Variants in ERCC6L2 observed in about 807,000 individuals in gnomAD.
ERCC6L2 encodes the protein ERCC excision repair 6 like 2, also known as DNA excision repair protein ERCC-6-like 2.
A neutral mutation model predicts 132.0 loss-of-function variants in ERCC6L2; 77 were observed. That is an observed-to-expected ratio of 0.58 (90% CI 0.49 to 0.71). ERCC6L2 has a LOEUF of 0.71. Ranked by LOEUF, ERCC6L2 falls within the 30% of genes least tolerant of loss-of-function variation. The probability of loss-of-function intolerance (pLI) is 0.00; values close to 1 mark genes in which losing one functional copy is unlikely to be tolerated. For synonymous variants in ERCC6L2, 583 were observed against 632.4 expected (o/e 0.92, Z 1.17); for missense variants, 1,542 against 1,837.6 (o/e 0.84, Z 2.94).
intron 6 of ERCC6L2, chr9:95,918,603 G>A: frequency 2.9e-6 from 1 of 342,762 alleles, no homozygotes; most frequent in Non-Finnish European, 5.9e-6. Context: ...TACAAGTCGG[G>A]GGGCCTAGGA....
intron 3 of ERCC6L2, chr9:95,906,488 G>A (rs1023167932): frequency 2.9e-6 from 1 of 348,924 alleles, no homozygotes; most frequent in African/African-American, 2.2e-5. Flanking sequence ...GCAACAGGTG[G>A]GAGGGCAAAA....
chr9:96,023,249 T>G (rs1413241910), downstream of ERCC6L2, among the ~76,000 whole-genome samples: 1 of 152,202 alleles, frequency 6.6e-6, no homozygotes, highest in Non-Finnish European at 1.5e-5. Context: ...GGATTTATGA[T>G]TAGCATAGGC....
At position 95,972,689 on chromosome 9, in the gene ERCC6L2, A is replaced by C. The variant is rs1349238500; in HGVS notation, c.2938A>C (p.Ser980Arg). The C allele has an allele frequency of 6.2e-6, 8 of 1,300,736 alleles. No individual in the cohort carries two copies. In the African/African-American group the frequency reaches 9.1e-5, roughly 15 times the overall value. 80.6% of individuals were successfully genotyped at this position (1,300,736 alleles called of 1,614,324 possible). Reference protein sequence around the residue: ...ILKRKGTSDISDESDDIEISS... With the variant: ...ILKRKGTSDIRDESDDIEISS... ...GAAAAGAAAAGGCACCAGTGATATC[A>C]GTGATGAATCTGATGACATTGAAAT... The change falls in exon 16 of 19, where the codon AGT becomes CGT. Residue 980 changes from serine (S) to arginine (R), a missense_variant. Coordinates refer to ENST00000653738, the MANE Select transcript of ERCC6L2 (RefSeq NM_020207.7).
chr9:95,924,457 C>T (rs1265492972), intron 9 of ERCC6L2, among the ~76,000 whole-genome samples: 1 of 151,918 alleles, frequency 6.6e-6, no homozygotes, highest in Non-Finnish European at 1.5e-5. Context: ...TCATCCATTT[C>T]ATTGACTTTA....
In ERCC6L2 at chr9:95,881,069, A is replaced by G; in HGVS notation, c.247A>G (p.Ile83Val). The change falls in exon 2 of 19, where the codon ATA (isoleucine) becomes GTA (valine). Residue 83 changes from isoleucine (I) to valine (V), a missense_variant. Physicochemically the swap from Ile to Val is conservative, Grantham distance 29. Transcript: ENST00000653738. ...TGTTAAAGATTGCCCTAGGAATCTTATATTTGATGATGAAGATTTAGAAAA... is the reference window on the plus strand; with the variant it reads ...TGTTAAAGATTGCCCTAGGAATCTTGTATTTGATGATGAAGATTTAGAAAA... ...KFVKDCPRNL[I>V]FDDEDLEKPY... 1 of 1,613,378 alleles carries G rather than the reference A, an allele frequency of 6.2e-7. No individual in the cohort carries two copies. The highest frequency in any genetic ancestry group is 8.5e-7 in the Non-Finnish European group (1 of 1,179,502).
intron 17 of ERCC6L2, among the ~76,000 whole-genome samples, chr9:95,986,496 C>G (rs200599874): frequency 8.1e-6 from 1 of 123,746 alleles, no homozygotes; most frequent in Non-Finnish European, 1.6e-5. Flanking sequence ...ATATCTCTCT[C>G]CTTTTTTTTT....
intron 11 of ERCC6L2, among the ~76,000 whole-genome samples, chr9:95,938,619 A>C (rs1213545432): frequency 6.6e-6 from 1 of 152,134 alleles, no homozygotes; most frequent in Non-Finnish European, 1.5e-5. Flanking sequence ...ATATACTTGG[A>C]CTAATATTAA....
chr9:95,912,496 T>C (rs1350385640), intron 4 of ERCC6L2, among the ~76,000 whole-genome samples: 1 of 152,144 alleles, frequency 6.6e-6, no homozygotes, highest in Admixed American at 6.5e-5. Context: ...ATGAGTCATT[T>C]CAGCAAGTTG....
rs377037679 is a variant in ERCC6L2 at position 95,898,044 on chromosome 9, TCA to T, written c.594+78_594+79del. On this transcript the variant is annotated intron_variant, in intron 3 of 18. Coordinates refer to ENST00000653738, the MANE Select transcript of ERCC6L2 (RefSeq NM_020207.7). ...AAAAGCATATAGAAATATTTAAATA[TCA>T]CACATTAAAATGTATTGGTATACAT... 7.8e-4 allele frequency: 1,040 copies of T among 1,333,782 alleles called. 11 individuals carry two copies. In the African/African-American group the frequency reaches 0.014, roughly 18 times the overall value. 82.6% of individuals were successfully genotyped at this position (1,333,782 alleles called of 1,614,324 possible).
chr9:95,897,979 C>G lies in ERCC6L2; in HGVS notation c.594+8C>G. ...TCTTCTACAGCAAAAAAGGTAAAAT[C>G]TCTAGACAATGTATATTCTACTCAT... is the stretch of plus-strand genomic sequence containing the variant. On this transcript the variant is annotated splice_region_variant and intron_variant, in intron 3 of 18. Transcript: ENST00000653738. The G allele has an allele frequency of 6.2e-7, 1 of 1,601,742 alleles. No individual in the cohort carries two copies. The highest frequency in any genetic ancestry group is 8.5e-7 in the Non-Finnish European group (1 of 1,175,342).
rs143578081 is a variant in ERCC6L2, at chr9:95,899,631, T to TGC, written c.594+1662_594+1663dup. 1.1e-3 allele frequency among the ~76,000 whole-genome samples: 149 copies of TGC among 134,516 alleles called. 1 individual carries two copies. Among genetic ancestry groups the TGC allele is most frequent in the Middle Eastern group, 7.1e-3 (2 of 280 alleles). 88.2% of individuals were successfully genotyped at this position (134,516 alleles called of 152,430 possible). A position where few individuals can be genotyped will look rare whatever the true frequency, so the allele number is the denominator to read the frequency against. ...GTGTGTGTGTGTGTGTGTGTGTGTG[T>TGC]GCGTATGTATGCATATGCGATGTAT... On this transcript the variant is annotated intron_variant, in intron 3 of 18. Coordinates refer to ENST00000653738, the MANE Select transcript of ERCC6L2 (RefSeq NM_020207.7).
chr9:95,927,947 G>A (rs539551321), intron 9 of ERCC6L2, 132 bp from the exon 10 acceptor site: 4 of 565,548 alleles, frequency 7.1e-6, no homozygotes, highest in East Asian at 2.8e-5. Context: ...AAAAATGAAA[G>A]GAATTAGAAA....
rs376810322 is a variant in ERCC6L2 at position 96,012,697 on chromosome 9, C to T, written c.4147C>T (p.Arg1383Cys). 4.4e-6 allele frequency: 6 copies of T among 1,367,362 alleles called. No homozygotes were observed. The highest frequency in any genetic ancestry group is 1.5e-5 in the African/African-American group (1 of 67,684). The allele number at this position is 1,367,362 out of a possible 1,614,324, so 84.7% of individuals were successfully genotyped here. The change falls in exon 19 of 19, where the codon CGT becomes TGT. Residue 1383 changes from arginine (R) to cysteine (C), a missense_variant. Arg to Cys is a radical substitution (Grantham distance 180). This residue lies in a region of ERCC6L2 where 442 missense variants were observed against 583.4 expected (regional missense o/e 0.76). Transcript: ENST00000653738. ...GGCATCCGAAGATACTGTGACATCC[C>T]GTTCTCTGAACAGTGAGTCTGAAAC... ...SQASEDTVTS[R>C]SLNSESETRE...
intron 19 of ERCC6L2, among the ~76,000 whole-genome samples, chr9:96,036,955 A>T (rs1490076651): frequency 4.0e-5 from 6 of 150,196 alleles, no homozygotes; most frequent in African/African-American, 1.5e-4. Flanking sequence ...TTTAGTAGAG[A>T]CGGGGTTTCA....
chr9:96,012,638 C>G lies in ERCC6L2; in HGVS notation c.4088C>G (p.Ser1363Cys). 7.3e-7 allele frequency: 1 copy of G among 1,367,482 alleles called. No homozygotes were observed. Among genetic ancestry groups the G allele is most frequent in the Non-Finnish European group, 9.8e-7 (1 of 1,021,782 alleles). The allele number at this position is 1,367,482 out of a possible 1,614,324, so 84.7% of individuals were successfully genotyped here. ...GAAACTAAGAAATCACCTGTTAGTT[C>G]TACTCAAGAGATTGACAGTGGGAAA... ...DAETKKSPVSSTQEIDSGKNS... is the reference protein window; with the variant it reads ...DAETKKSPVSCTQEIDSGKNS... The change falls in exon 19 of 19, where the codon TCT becomes TGT. Residue 1363 changes from serine (S) to cysteine (C), a missense_variant. Around this residue, in one of 4 missense-constraint regions of ERCC6L2, gnomAD observed 442 missense variants for 583.4 expected, o/e 0.76. Transcript: ENST00000653738.
chr9:95,963,147 C>CTG (rs34128119), intron 13 of ERCC6L2, among the ~76,000 whole-genome samples: 3,027 of 148,592 alleles, frequency 0.02, 56 homozygotes, highest in East Asian at 0.092. Context: ...GTCATCTCGT[C>CTG]TGTGTGTGTG....
At chr9:96,010,123 T>G (rs1833980046) in intron 18 of ERCC6L2, among the ~76,000 whole-genome samples, 1 of 152,268 alleles carries the variant, frequency 6.6e-6, no homozygotes, top group Non-Finnish European at 1.5e-5. Flanking sequence ...GCTTGTTACT[T>G]TCCAACAAGA....
At chr9:95,910,807 C>T (rs1829306469) in intron 4 of ERCC6L2, among the ~76,000 whole-genome samples, 1 of 152,138 alleles carries the variant, frequency 6.6e-6, no homozygotes, top group African/African-American at 2.4e-5. Flanking sequence ...TGACAGAAGA[C>T]TAATCTGAGG....
At chr9:95,961,866 G>A (rs1587984045) in intron 13 of ERCC6L2, among the ~76,000 whole-genome samples, 1 of 152,120 alleles carries the variant, frequency 6.6e-6, no homozygotes, top group East Asian at 1.9e-4. Context: ...ATGGAGGCAG[G>A]CAAAGAGAAT....
Sources: allele counts gnomAD v4.1 joint callset (sites outside exome capture counted in the v4.1 genomes callset), GRCh38; gene constraint gnomAD v4.1.1; regional missense constraint gnomAD v4.1.1; transcripts MANE v1.5; gene names NCBI Gene and HGNC (gene_info 2026-07-23, HGNC 2026-07-21).